The following PDS5B variants were observed in gnomAD, a reference collection of about 807,000 sequenced individuals.
The protein encoded by PDS5B is sister chromatid cohesion protein PDS5 homolog B.
In PDS5B, 51 loss-of-function variants were observed where a neutral mutation model predicts 184.1. That is an observed-to-expected ratio of 0.28 (90% CI 0.22 to 0.35). The LOEUF is 0.35. Among genes scored for constraint, PDS5B ranks in the 10% least tolerant of loss-of-function variants. The pLI is 1.00. For missense variants in PDS5B, 1,180 were observed against 1,723.3 expected (o/e 0.68, Z 5.58); for synonymous variants, 566 against 569.2 (o/e 0.99, Z 0.08).
intron 24 of PDS5B, among the ~76,000 whole-genome samples, chr13:32,752,017 A>C (rs1160405942): frequency 1.3e-5 from 2 of 152,166 alleles, no homozygotes; most frequent in Non-Finnish European, 2.9e-5. Flanking sequence ...AGATGAAGAA[A>C]TTGTTACAAT....
At position 32,696,961 on chromosome 13, in the gene PDS5B, T is replaced by C. The variant is rs543656434; in HGVS notation, c.1600+59T>C. 5.6e-6 allele frequency: 6 copies of C among 1,071,114 alleles called. No individual in the cohort carries two copies. The East Asian group carries it at 1.5e-4, about 27-fold the overall frequency. The allele number at this position is 1,071,114 out of a possible 1,614,324, so 66.4% of individuals were successfully genotyped here. A position where few individuals can be genotyped will look rare whatever the true frequency, so the allele number is the denominator to read the frequency against. On this transcript the variant is annotated intron_variant, in intron 15 of 34. Transcript: ENST00000315596. ...TTTTTATTGGAACATTTTTTATAAT[T>C]TTAAGTGTTTCATGCAGTTTTGTTA...
intron 1 of PDS5B, among the ~76,000 whole-genome samples, chr13:32,626,610 G>GTTT (rs58328470): frequency 2.7e-5 from 4 of 148,322 alleles, no homozygotes; most frequent in African/African-American, 9.8e-5. Flanking sequence ...CAGTCTTGCT[G>GTTT]TTTTTTTTTT....
At chr13:32,741,515 T>C (rs1953551512) in intron 22 of PDS5B, among the ~76,000 whole-genome samples, 1 of 152,210 alleles carries the variant, frequency 6.6e-6, no homozygotes, top group South Asian at 2.1e-4. Context: ...ATTCAGCCTA[T>C]AATTTATTGA....
At chr13:32,772,283 T>A (rs1954815303) in intron 33 of PDS5B, among the ~76,000 whole-genome samples, 1 of 152,192 alleles carries the variant, frequency 6.6e-6, no homozygotes, top group African/African-American at 2.4e-5. Context: ...TTTGATTAGA[T>A]GGTTCTATTA....
rs561933050 is a variant in PDS5B, at chr13:32,659,966, A to T, written c.624+686A>T. Among the ~76,000 whole-genome samples, 3 of 152,246 alleles carry T rather than the reference A, an allele frequency of 2.0e-5. No homozygotes were observed. The South Asian group carries it at 6.2e-4, about 32-fold the overall frequency. ...TGATCTCATAATTCAAAAATTCCAAACTCTTAAAGAAAACAGTCTCTGAAT... is the reference window on the plus strand; with the variant it reads ...TGATCTCATAATTCAAAAATTCCAATCTCTTAAAGAAAACAGTCTCTGAAT... On this transcript the variant is annotated intron_variant, in intron 6 of 34. Transcript: ENST00000315596.
At chr13:32,741,198 A>C (rs1290920469) in intron 22 of PDS5B, 50 bp downstream of exon 22, 5 of 963,192 alleles carry the variant, frequency 5.2e-6, no homozygotes, top group Non-Finnish European at 8.1e-6. Context: ...ACCACATTGT[A>C]ATATTTGAGG....
At chr13:32,669,238 T>A (rs1331876469) in intron 7 of PDS5B, among the ~76,000 whole-genome samples, 2 of 152,052 alleles carry the variant, frequency 1.3e-5, no homozygotes, top group African/African-American at 2.4e-5. Context: ...GGTGAGCTCC[T>A]CCTGGTGGCC....
intron 1 of PDS5B, among the ~76,000 whole-genome samples, chr13:32,645,382 TTGTA>T (rs1381038571): frequency 2.0e-5 from 3 of 152,216 alleles, no homozygotes; most frequent in Admixed American, 2.0e-4. Context: ...TTGGAACTAT[TTGTA>T]TGACATGGGA....
chr13:32,661,586 TGAGAA>T (rs1382995656), intron 6 of PDS5B, among the ~76,000 whole-genome samples: 1 of 151,824 alleles, frequency 6.6e-6, no homozygotes. Flanking sequence ...AATGGAGAAT[TGAGAA>T]GAGATGATAT....
intron 11 of PDS5B, among the ~76,000 whole-genome samples, chr13:32,685,579 G>T (rs1233049851): frequency 6.6e-6 from 1 of 152,298 alleles, no homozygotes; most frequent in East Asian, 1.9e-4. Context: ...TCTCTTTGAA[G>T]AAGAGGGAAT....
chr13:32,687,271 T>C lies in PDS5B; in HGVS notation c.1341T>C (p.Asn447=), dbSNP rs1951424644. 6.3e-7 allele frequency: 1 copy of C among 1,582,300 alleles called. No individual in the cohort carries two copies. The highest frequency in any genetic ancestry group is 1.9e-5 in the Admixed American group (1 of 51,320). ...AATTGCTACATATATATTATCAAAA[T>C]AGTATTGATGATCGGTAAGTTAAGG... ...KDKLLHIYYQ[N]SIDDRLLVER... Residue 447 remains asparagine (N), a synonymous_variant, in exon 12 of 35, where the codon AAT becomes AAC. Coordinates refer to ENST00000315596, the MANE Select transcript of PDS5B (RefSeq NM_015032.4).
rs368080614 is a variant in PDS5B, at chr13:32,775,097, C to CT, written c.*60dup. ...TTCTCTGTGAAAGCTTTGGAAAAATCTTTTTTTTTTTTTTTGGTCAAGCTT... is the reference window on the plus strand; with the variant it reads ...TTCTCTGTGAAAGCTTTGGAAAAATCTTTTTTTTTTTTTTTTGGTCAAGCTT... On this transcript the variant is annotated 3_prime_UTR_variant, in exon 35 of 35. Transcript: ENST00000315596. 0.011 allele frequency: 8,976 copies of CT among 844,340 alleles called. 236 individuals are homozygous for CT. Among genetic ancestry groups the CT allele is most frequent in the Middle Eastern group, 0.019 (57 of 2,968 alleles). The allele number at this position is 844,340 out of a possible 1,614,324, so 52.3% of individuals were successfully genotyped here.
chr13:32,696,781 A>G, intron 14 of PDS5B, 73 bp from the exon 15 acceptor site: 1 of 1,012,272 alleles, frequency 9.9e-7, no homozygotes, highest in Non-Finnish European at 1.5e-6. Flanking sequence ...ATGCTTGTCT[A>G]ATTTTTTGCA....
chr13:32,758,070 C>G lies in PDS5B; in HGVS notation c.3057-17C>G, dbSNP rs1437519097. ...GATTTTCTTCTATATTTCTTTTTTC[C>G]TTTTTTTTTTTTTTAGATGTCTTTG... On this transcript the variant is annotated splice_polypyrimidine_tract_variant and intron_variant, in intron 26 of 34. Coordinates refer to ENST00000315596, the MANE Select transcript of PDS5B (RefSeq NM_015032.4). 1 of 805,942 alleles carries G rather than the reference C, an allele frequency of 1.2e-6. No individual in the cohort carries two copies. The highest frequency in any genetic ancestry group is 2.1e-5 in the African/African-American group (1 of 46,908). 49.9% of individuals were successfully genotyped at this position (805,942 alleles called of 1,614,324 possible). A position where few individuals can be genotyped will look rare whatever the true frequency, so the allele number is the denominator to read the frequency against.
intron 13 of PDS5B, among the ~76,000 whole-genome samples, chr13:32,692,684 C>G (rs1318596156): frequency 1.3e-5 from 2 of 151,814 alleles, no homozygotes; most frequent in African/African-American, 4.8e-5. Context: ...TGCTTAGCAA[C>G]AGAACTGCAA....
At chr13:32,700,597 A>T (rs576961932) in intron 16 of PDS5B, among the ~76,000 whole-genome samples, 1 of 152,148 alleles carries the variant, frequency 6.6e-6, no homozygotes, top group South Asian at 2.1e-4. Flanking sequence ...AATGGTATTT[A>T]TCTTACTGAT....
chr13:32,607,739 C>T (rs1046910826), intron 1 of PDS5B, among the ~76,000 whole-genome samples: 26 of 152,242 alleles, frequency 1.7e-4, no homozygotes, highest in African/African-American at 5.5e-4. Context: ...AACTTGTTTA[C>T]CTACTCAAGC....
intron 30 of PDS5B, among the ~76,000 whole-genome samples, chr13:32,762,874 A>G (rs1954456986): frequency 6.6e-6 from 1 of 152,090 alleles, no homozygotes; most frequent in South Asian, 2.1e-4. Flanking sequence ...TACTGTCGTG[A>G]TGTTATTTCA....
Position 32,655,359 on chromosome 13 carries a change from C to CATATATATATATATATATATATATATAT in PDS5B, c.313-2864_313-2863insATATATATATATATATATATATATATAT, listed in dbSNP as rs1177251327. On this transcript the variant is annotated intron_variant, in intron 3 of 34. Transcript: ENST00000315596. The stretch of plus-strand genomic sequence containing the variant: ...AAAAGTATCTCTTCATGTTCTTTGC[C>CATATATATATATATATATATATATATAT]ATATATATATATATATTTTTTTTTT... Among the ~76,000 whole-genome samples, 99 of 39,566 alleles carry CATATATATATATATATATATATATATAT rather than the reference C, an allele frequency of 2.5e-3. 2 individuals carry two copies. Among genetic ancestry groups the CATATATATATATATATATATATATATAT allele is most frequent in the South Asian group, 3.4e-3 (2 of 580 alleles). The allele number at this position is 39,566 out of a possible 152,430, so 26.0% of individuals were successfully genotyped here. A position where few individuals can be genotyped will look rare whatever the true frequency, so the allele number is the denominator to read the frequency against.
Sources: gnomAD v4.1 joint callset for allele counts (sites outside exome capture counted in the v4.1 genomes callset) on GRCh38, gnomAD v4.1.1 for gene constraint, MANE v1.5 for transcripts, NCBI Gene and HGNC (gene_info 2026-07-23, HGNC 2026-07-21) for gene names.